ATRNL1: variants seen among roughly 807,000 people sequenced by gnomAD.
The protein encoded by ATRNL1 is attractin like 1, also known as attractin-like protein 1.
Under a neutral mutation model 182.7 loss-of-function variants are expected in ATRNL1, and 95 were observed. The observed-to-expected ratio is 0.52, with a 90% CI of 0.44 to 0.62. The LOEUF is 0.62. ATRNL1 is among the 20% of genes least tolerant of loss of function. The pLI is 0.00. For missense variants in ATRNL1, 1,471 were observed against 1,679.5 expected, an observed-to-expected ratio of 0.88 and a Z score of 2.17; for synonymous variants, 576 against 568.3, an observed-to-expected ratio of 1.01 and a Z score of -0.19.
chr10:115,550,264 T>G (rs1852890506), intron 26 of ATRNL1, among the ~76,000 whole-genome samples: 1 of 151,842 alleles, frequency 6.6e-6, no homozygotes, highest in Admixed American at 6.6e-5. Flanking sequence ...TTTATTATAA[T>G]GTATTCTATT....
intron 5 of ATRNL1, among the ~76,000 whole-genome samples, chr10:115,159,736 T>C (rs1307025793): frequency 6.6e-6 from 1 of 151,728 alleles, no homozygotes; most frequent in Non-Finnish European, 1.5e-5. Flanking sequence ...CATTGTTTTC[T>C]ATTTTAATAC....
intron 5 of ATRNL1, among the ~76,000 whole-genome samples, chr10:115,159,654 C>A (rs1427382796): frequency 6.6e-6 from 1 of 151,422 alleles, no homozygotes; most frequent in African/African-American, 2.4e-5. Flanking sequence ...ATTATTATAT[C>A]CATTTGTGTA....
chr10:115,911,781 G>A (rs1952685889), intron 28 of ATRNL1, among the ~76,000 whole-genome samples: 1 of 152,122 alleles, frequency 6.6e-6, no homozygotes, highest in Non-Finnish European at 1.5e-5. Flanking sequence ...CATGGGAAGA[G>A]CACAAGGAAG....
At chr10:115,597,749 T>C in intron 26 of ATRNL1, 1 of 436,818 alleles carries the variant, frequency 2.3e-6, no homozygotes, top group Non-Finnish European at 4.6e-6. Context: ...GGTTTCACCA[T>C]GTTGGCCAGA....
intron 19 of ATRNL1, among the ~76,000 whole-genome samples, chr10:115,350,066 A>G (rs1856159087): frequency 6.6e-6 from 1 of 152,032 alleles, no homozygotes; most frequent in Non-Finnish European, 1.5e-5. Context: ...GGCTGGGCAC[A>G]ATGGCTCACG....
chr10:115,483,575 A>G (rs1461073543), intron 24 of ATRNL1, among the ~76,000 whole-genome samples: 1 of 151,564 alleles, frequency 6.6e-6, no homozygotes, highest in Non-Finnish European at 1.5e-5. Context: ...ATATGTACAG[A>G]CCTAATTTAC....
intron 1 of ATRNL1, among the ~76,000 whole-genome samples, chr10:115,105,784 C>G (rs1022805477): frequency 1.3e-5 from 2 of 152,172 alleles, no homozygotes; most frequent in African/African-American, 4.8e-5. Flanking sequence ...AGTCAAGAAT[C>G]GAGGTTTGGG....
intron 26 of ATRNL1, among the ~76,000 whole-genome samples, chr10:115,621,458 T>G (rs1857766652): frequency 6.6e-6 from 1 of 151,808 alleles, no homozygotes; most frequent in Non-Finnish European, 1.5e-5. Context: ...CATACCACCA[T>G]GCCTGGCTAA....
chr10:115,911,243 A>C (rs1952668249), intron 28 of ATRNL1, among the ~76,000 whole-genome samples: 1 of 152,072 alleles, frequency 6.6e-6, no homozygotes, highest in South Asian at 2.1e-4. Context: ...CAGGCAATCC[A>C]ACTGCCTCAG....
intron 19 of ATRNL1, among the ~76,000 whole-genome samples, chr10:115,368,602 CCTTT>C (rs1385496494): frequency 1.3e-5 from 2 of 152,148 alleles, no homozygotes; most frequent in Non-Finnish European, 2.9e-5. Context: ...AATTATTCTT[CCTTT>C]CTAACAAAAA....
chr10:115,228,231 T>C (rs2144501259), intron 9 of ATRNL1, among the ~76,000 whole-genome samples: 1 of 152,314 alleles, frequency 6.6e-6, no homozygotes, highest in Non-Finnish European at 1.5e-5. Context: ...TCATTTCTGC[T>C]ATCCCACTCC....
chr10:115,366,758 T>C (rs540824389), intron 19 of ATRNL1, among the ~76,000 whole-genome samples: 1 of 151,744 alleles, frequency 6.6e-6, no homozygotes, highest in African/African-American at 2.4e-5. Flanking sequence ...TAAAGTATTT[T>C]ATTTCTCCTT....
intron 26 of ATRNL1, among the ~76,000 whole-genome samples, chr10:115,680,162 C>G (rs1946002043): frequency 6.6e-6 from 1 of 152,106 alleles, no homozygotes. Context: ...CTGGACTAGT[C>G]TAGATAGGCT....
At chr10:115,747,884 T>C (rs1948339003) in intron 27 of ATRNL1, among the ~76,000 whole-genome samples, 1 of 152,048 alleles carries the variant, frequency 6.6e-6, no homozygotes, top group Non-Finnish European at 1.5e-5. Context: ...CTGTATCCTC[T>C]TATGGTGAAA....
chr10:115,904,265 G>A (rs1197557912), intron 28 of ATRNL1, among the ~76,000 whole-genome samples: 1 of 152,164 alleles, frequency 6.6e-6, no homozygotes, highest in Non-Finnish European at 1.5e-5. Flanking sequence ...TGGCAGCACC[G>A]CACATGGTGC....
At chr10:115,881,131 T>G (rs971502506) in intron 28 of ATRNL1, among the ~76,000 whole-genome samples, 2 of 152,224 alleles carry the variant, frequency 1.3e-5, no homozygotes, top group African/African-American at 2.4e-5. Flanking sequence ...CCCTGTTTTA[T>G]GCTCAGGGCA....
At chr10:115,582,615 GT>G (rs1855197718) in intron 26 of ATRNL1, among the ~76,000 whole-genome samples, 1 of 140,260 alleles carries the variant, frequency 7.1e-6, no homozygotes, top group African/African-American at 2.5e-5. Context: ...TTGTAAATTT[GT>G]TTGAGTTCAT....
intron 10 of ATRNL1, among the ~76,000 whole-genome samples, chr10:115,247,186 G>T (rs1387116867): frequency 6.6e-6 from 1 of 152,088 alleles, no homozygotes; most frequent in Non-Finnish European, 1.5e-5. Flanking sequence ...AAAAGCTTTT[G>T]CAAAGAAAAG....
intron 27 of ATRNL1, among the ~76,000 whole-genome samples, chr10:115,765,801 A>T (rs1469143332): frequency 6.6e-6 from 1 of 152,130 alleles, no homozygotes; most frequent in Non-Finnish European, 1.5e-5. Flanking sequence ...ATTCATTTTG[A>T]GTTAATTTTT....
Sources: allele counts gnomAD v4.1 joint callset (sites outside exome capture counted in the v4.1 genomes callset), GRCh38; gene constraint gnomAD v4.1.1; transcripts MANE v1.5; gene names NCBI Gene and HGNC (gene_info 2026-07-23, HGNC 2026-07-21).